GTF2A1: variants seen among roughly 807,000 people sequenced by gnomAD.
The protein encoded by GTF2A1 is transcription initiation factor IIA subunit 1.
GTF2A1 carries 12 observed loss-of-function variants against 54.1 expected under a neutral mutation model. The ratio of observed to expected loss-of-function variants is 0.22; its 90% confidence interval spans 0.14 to 0.36. The LOEUF (loss-of-function observed/expected upper bound fraction) is 0.36. Among genes scored for constraint, GTF2A1 ranks in the 10% least tolerant of loss-of-function variants. The pLI is 1.00. For synonymous variants in GTF2A1, 145 were observed against 152.0 expected (o/e 0.95, Z 0.34); for missense variants, 335 against 442.2 (o/e 0.76, Z 2.17).
At chr14:81,211,602 G>A (rs1893365080) in intron 2 of GTF2A1, among the ~76,000 whole-genome samples, 1 of 151,908 alleles carries the variant, frequency 6.6e-6, no homozygotes, top group Admixed American at 6.6e-5. Flanking sequence ...AATGTCTCCA[G>A]GCCACATCAG....
intron 2 of GTF2A1, 118 bp from the exon 3 acceptor site, chr14:81,204,222 A>C (rs536008152): frequency 2.6e-5 from 21 of 805,110 alleles, no homozygotes; most frequent in African/African-American, 2.5e-4. Flanking sequence ...ACAGACACAG[A>C]AATACAACAA....
chr14:81,204,981 T>C (rs1321987351), intron 2 of GTF2A1, among the ~76,000 whole-genome samples: 3 of 145,480 alleles, frequency 2.1e-5, no homozygotes, highest in Non-Finnish European at 4.6e-5. Context: ...TTGGTCATTC[T>C]GTACACAAGG....
chr14:81,193,292 G>T (rs1463888754), intron 6 of GTF2A1, among the ~76,000 whole-genome samples: 1 of 151,672 alleles, frequency 6.6e-6, no homozygotes, highest in African/African-American at 2.4e-5. Context: ...TCAGCCTCCT[G>T]AGTAGCTGGG....
Position 81,201,635 on chromosome 14 carries a change from G to A in GTF2A1, c.361C>T (p.Pro121Ser). 1.2e-6 allele frequency: 2 copies of A among 1,610,164 alleles called. No individual in the cohort carries two copies. Among genetic ancestry groups the A allele is most frequent in the Non-Finnish European group, 1.7e-6 (2 of 1,176,570 alleles). The change falls in exon 4 of 9, where the codon CCA becomes TCA. Residue 121 changes from proline (P) to serine (S), a missense_variant. This residue lies in a region of GTF2A1 where 306 missense variants were observed against 360.4 expected (regional missense o/e 0.85). Coordinates refer to ENST00000553612, the MANE Select transcript of GTF2A1 (RefSeq NM_015859.4). ...QQATAPQVIVPDSKLIQHMNA... is the reference protein window; with the variant it reads ...QQATAPQVIVSDSKLIQHMNA... ...ATATGCTGTATCAACTTAGAATCTG[G>A]AACAATAACTTGTGGTGCTGTGGCT...
chr14:81,211,100 A>G (rs1264573399), intron 2 of GTF2A1, among the ~76,000 whole-genome samples: 1 of 152,222 alleles, frequency 6.6e-6, no homozygotes, highest in African/African-American at 2.4e-5. Context: ...TTACAGAAAA[A>G]GAATCTGACA....
At chr14:81,215,979 C>T (rs989778682) in intron 2 of GTF2A1, among the ~76,000 whole-genome samples, 2 of 152,142 alleles carry the variant, frequency 1.3e-5, no homozygotes, top group Admixed American at 1.3e-4. Flanking sequence ...CAGATTGTGC[C>T]ACTGCACTCC....
chr14:81,191,140 AAAT>A (rs56104271), intron 7 of GTF2A1, among the ~76,000 whole-genome samples: 115,213 of 151,720 alleles, frequency 0.76, 44,406 homozygotes, highest in Middle Eastern at 0.88. Flanking sequence ...AACCAAAATG[AAAT>A]AATACTATTT....
chr14:81,217,617 T>A (rs764500089), intron 1 of GTF2A1, among the ~76,000 whole-genome samples: 1 of 152,098 alleles, frequency 6.6e-6, no homozygotes, highest in African/African-American at 2.4e-5. Context: ...CTGGGTAACA[T>A]AGTGAAACCC....
At chr14:81,206,311 C>T (rs540466216) in intron 2 of GTF2A1, among the ~76,000 whole-genome samples, 1 of 152,178 alleles carries the variant, frequency 6.6e-6, no homozygotes, top group Non-Finnish European at 1.5e-5. Context: ...TGTTCCAATG[C>T]ATCTCTATGA....
chr14:81,179,092 G>A lies in GTF2A1; in HGVS notation c.*1131C>T, dbSNP rs1892587272. 1 of 152,158 alleles carries A rather than the reference G, an allele frequency of 6.6e-6. No homozygotes were observed. Among genetic ancestry groups the A allele is most frequent in the Admixed American group, 6.5e-5 (1 of 15,276 alleles). 9.4% of individuals were successfully genotyped at this position (152,158 alleles called of 1,614,324 possible). ...CACCAAATGAAAGAGAGGTAACTTAGTGGCCCACCCACCTCTTCCCCCCAA... is the reference window on the plus strand; with the variant it reads ...CACCAAATGAAAGAGAGGTAACTTAATGGCCCACCCACCTCTTCCCCCCAA... On this transcript the variant is annotated 3_prime_UTR_variant, in exon 9 of 9. Transcript: ENST00000553612.
At chr14:81,210,432 T>A (rs750576406) in intron 2 of GTF2A1, among the ~76,000 whole-genome samples, 1 of 152,096 alleles carries the variant, frequency 6.6e-6, no homozygotes, top group Non-Finnish European at 1.5e-5. Context: ...TTTGGGAGGC[T>A]GAGGTGGGCA....
At chr14:81,204,969 A>C (rs549511539) in intron 2 of GTF2A1, among the ~76,000 whole-genome samples, 108 of 121,182 alleles carry the variant, frequency 8.9e-4, no homozygotes, top group Middle Eastern at 5.1e-3. Context: ...ATAAAACTTC[A>C]TTTGGTCATT....
intron 7 of GTF2A1, among the ~76,000 whole-genome samples, chr14:81,189,590 A>G (rs752824127): frequency 6.6e-6 from 1 of 152,016 alleles, no homozygotes; most frequent in Non-Finnish European, 1.5e-5. Flanking sequence ...AGAATGGCGT[A>G]AACCCGGGGG....
intron 8 of GTF2A1, among the ~76,000 whole-genome samples, chr14:81,181,341 C>T (rs371938461): frequency 1.4e-5 from 2 of 142,346 alleles, no homozygotes; most frequent in African/African-American, 2.8e-5. Context: ...CTAAAGGTAC[C>T]TAAAAAAAAA....
rs1893434149 is a variant in GTF2A1 at position 81,214,139 on chromosome 14, A to T, written c.132+2274T>A. On this transcript the variant is annotated intron_variant, in intron 2 of 8. Coordinates refer to ENST00000553612, the MANE Select transcript of GTF2A1 (RefSeq NM_015859.4). ...TAGATACCTATTAATAAATACGCCAAGACCTACCTCATCACCGCAATCAAG... is the reference window on the plus strand; with the variant it reads ...TAGATACCTATTAATAAATACGCCATGACCTACCTCATCACCGCAATCAAG... Among the ~76,000 whole-genome samples, 8 of 152,314 alleles carry T rather than the reference A, an allele frequency of 5.3e-5. No individual in the cohort carries two copies. In the South Asian group the frequency reaches 1.7e-3, roughly 32 times the overall value.
chr14:81,188,704 G>A (rs1002057360), intron 7 of GTF2A1, among the ~76,000 whole-genome samples: 2 of 151,870 alleles, frequency 1.3e-5, no homozygotes, highest in African/African-American at 4.8e-5. Context: ...GTGAACCCGG[G>A]AGGCTGAGCT....
intron 7 of GTF2A1, 91 bp downstream of exon 7, chr14:81,192,428 G>GA (rs1311695730): frequency 9.1e-6 from 9 of 987,832 alleles, no homozygotes; most frequent in East Asian, 4.8e-5. Context: ...AACAGTCTCT[G>GA]AAAAAAACAG....
intron 7 of GTF2A1, 22 bp from the exon 8 acceptor site, chr14:81,185,642 TTATTAC>T: frequency 7.5e-7 from 1 of 1,328,046 alleles, no homozygotes; most frequent in Non-Finnish European, 1.1e-6. Flanking sequence ...AGGAGAGTTC[TTATTAC>T]TATAAGAAGG....
At chr14:81,202,584 C>T in intron 3 of GTF2A1, 1 of 484,728 alleles carries the variant, frequency 2.1e-6, no homozygotes, top group Non-Finnish European at 4.1e-6. Context: ...AATATGGTGG[C>T]CTCCTGAAAG....
Sources: allele counts gnomAD v4.1 joint callset (sites outside exome capture counted in the v4.1 genomes callset), GRCh38; gene constraint gnomAD v4.1.1; regional missense constraint gnomAD v4.1.1; transcripts MANE v1.5; gene names NCBI Gene and HGNC (gene_info 2026-07-23, HGNC 2026-07-21).